The following SORCS2 variants were observed in gnomAD, a reference collection of about 807,000 sequenced individuals.
The protein encoded by SORCS2 is sortilin related VPS10 domain containing receptor 2.
SORCS2 carries 100 observed loss-of-function variants against 141.6 expected under a neutral mutation model. The ratio of observed to expected loss-of-function variants is 0.71; its 90% CI spans 0.60 to 0.83. SORCS2 has a LOEUF of 0.83. Ranked by LOEUF, SORCS2 falls within the 40% of genes least tolerant of loss-of-function variation. The probability of loss-of-function intolerance (pLI) is 0.00; values close to 1 mark genes in which losing one functional copy is unlikely to be tolerated. For synonymous variants in SORCS2, 789 were observed against 676.9 expected, an observed-to-expected ratio of 1.17 and a Z score of -2.57; for missense variants, 1,646 against 1,560.2, an observed-to-expected ratio of 1.05 and a Z score of -0.93.
chr4:7,499,732 C>A (rs575804802), intron 2 of SORCS2, among the ~76,000 whole-genome samples: 2 of 146,864 alleles, frequency 1.4e-5, no homozygotes, highest in African/African-American at 5.1e-5. Context: ...CTGCCTTCCT[C>A]GCTCCTCAAA....
At chr4:7,206,469 C>T (rs1044124458) in intron 1 of SORCS2, among the ~76,000 whole-genome samples, 1 of 152,182 alleles carries the variant, frequency 6.6e-6, no homozygotes, top group Non-Finnish European at 1.5e-5. Flanking sequence ...GATCTGGGCT[C>T]CCTGGCCCAC....
intron 4 of SORCS2, among the ~76,000 whole-genome samples, chr4:7,647,923 C>T (rs977995807): frequency 6.6e-6 from 1 of 152,220 alleles, no homozygotes; most frequent in African/African-American, 2.4e-5. Context: ...TGCTGCAGGA[C>T]CGGCTAATTG....
At chr4:7,696,467 T>C (rs968849000) in intron 11 of SORCS2, among the ~76,000 whole-genome samples, 1 of 152,222 alleles carries the variant, frequency 6.6e-6, no homozygotes, top group African/African-American at 2.4e-5. Context: ...TTGTTCTTTC[T>C]ACAGGAGACT....
At chr4:7,263,727 C>T (rs1389943055) in intron 1 of SORCS2, among the ~76,000 whole-genome samples, 2 of 152,316 alleles carry the variant, frequency 1.3e-5, no homozygotes, top group Admixed American at 6.5e-5. Context: ...CAGGCTCCTC[C>T]TCCATGCTGG....
intron 1 of SORCS2, among the ~76,000 whole-genome samples, chr4:7,223,929 T>C (rs1728859455): frequency 6.6e-6 from 1 of 152,214 alleles, no homozygotes; most frequent in South Asian, 2.1e-4. Flanking sequence ...TTCTCGTCTG[T>C]TCAGAGGGAT....
intron 1 of SORCS2, among the ~76,000 whole-genome samples, chr4:7,198,592 G>A (rs116988197): frequency 6.6e-6 from 1 of 152,320 alleles, no homozygotes; most frequent in East Asian, 1.9e-4. Context: ...TCCAGAGGAA[G>A]TGCATCTCTG....
intron 1 of SORCS2, among the ~76,000 whole-genome samples, chr4:7,205,212 C>A (rs1249141603): frequency 1.3e-5 from 2 of 152,152 alleles, no homozygotes; most frequent in African/African-American, 4.8e-5. Flanking sequence ...GGTTAGGCTC[C>A]TTGGGTGGAC....
intron 4 of SORCS2, among the ~76,000 whole-genome samples, chr4:7,647,067 C>G (rs905925083): frequency 1.3e-5 from 2 of 152,050 alleles, no homozygotes; most frequent in Non-Finnish European, 2.9e-5. Flanking sequence ...GACGCTGTCC[C>G]GAAAAACAGG....
chr4:7,706,325 TCTGGGCAGGGATGAGGCTGGGCTCC>T (rs1560498875), intron 14 of SORCS2, among the ~76,000 whole-genome samples: 5,779 of 30,454 alleles, frequency 0.19, 1,852 homozygotes, highest in East Asian at 0.42. Context: ...CTGGGCTCCG[TCTGGGCAGGGATGAGGCTGGGCTCC>T]GTCTGGGCAG....
intron 1 of SORCS2, among the ~76,000 whole-genome samples, chr4:7,240,305 T>C (rs1246848372): frequency 6.6e-6 from 1 of 152,206 alleles, no homozygotes; most frequent in Non-Finnish European, 1.5e-5. Flanking sequence ...CCTGCTGAGC[T>C]TTGTTCTTAT....
At chr4:7,540,912 C>T (rs1316874457) in intron 3 of SORCS2, among the ~76,000 whole-genome samples, 1 of 152,204 alleles carries the variant, frequency 6.6e-6, no homozygotes, top group Non-Finnish European at 1.5e-5. Context: ...GTAAAGTGGC[C>T]AAGGGAACCG....
At chr4:7,247,379 A>C (rs1275155698) in intron 1 of SORCS2, among the ~76,000 whole-genome samples, 3 of 152,114 alleles carry the variant, frequency 2.0e-5, no homozygotes, top group African/African-American at 7.2e-5. Context: ...TTTCAGTGGA[A>C]TACTTAGAAG....
intron 3 of SORCS2, among the ~76,000 whole-genome samples, chr4:7,592,974 C>T (rs916475936): frequency 2.0e-5 from 3 of 152,142 alleles, no homozygotes; most frequent in African/African-American, 7.2e-5. Context: ...TGTGTGACAA[C>T]GTATCCCAAA....
intron 2 of SORCS2, among the ~76,000 whole-genome samples, chr4:7,496,051 G>C (rs1356109441): frequency 6.6e-6 from 1 of 152,252 alleles, no homozygotes; most frequent in Admixed American, 6.5e-5. Context: ...CTAGCTGTCA[G>C]TTCCAAAGCG....
chr4:7,472,892 A>C (rs71601843), intron 2 of SORCS2, among the ~76,000 whole-genome samples: 19,533 of 151,180 alleles, frequency 0.13, 1,693 homozygotes, highest in East Asian at 0.3. Flanking sequence ...TCACAGCCTG[A>C]GTGGATGGGG....
At position 7,233,105 on chromosome 4, in the gene SORCS2, C is replaced by T. The variant is rs997417170; in HGVS notation, c.480+39979C>T. Reference sequence around the variant, plus strand: ...CACCCGCATGTTCAACTACTGCCTTCCTGATGGAGGAGGCTGGGCTGGGCA... The same window carrying T: ...CACCCGCATGTTCAACTACTGCCTTTCTGATGGAGGAGGCTGGGCTGGGCA... On this transcript the variant is annotated intron_variant, in intron 1 of 26. Transcript: ENST00000507866. This position sits in a 1 kb window ranked among gnomAD's most constrained non-coding sequence, Gnocchi z 4.5. Among the ~76,000 whole-genome samples, 1 of 152,154 alleles carries T rather than the reference C, an allele frequency of 6.6e-6. No individual in the cohort carries two copies. Among genetic ancestry groups the T allele is most frequent in the South Asian group, 2.1e-4 (1 of 4,820 alleles).
In SORCS2 at chr4:7,740,793, G is replaced by T; in HGVS notation, c.*529G>T. On this transcript the variant is annotated 3_prime_UTR_variant, in exon 27 of 27. Coordinates refer to ENST00000507866, the MANE Select transcript of SORCS2 (RefSeq NM_020777.3). ...ACCACACCACCCTCCAGGCCCCCCTGCCCTCCGGCTGGAAACTGCAGCTCT... is the reference window on the plus strand; with the variant it reads ...ACCACACCACCCTCCAGGCCCCCCTTCCCTCCGGCTGGAAACTGCAGCTCT... 2 of 360,444 alleles carry T rather than the reference G, an allele frequency of 5.5e-6. No individual in the cohort carries two copies. Among genetic ancestry groups the T allele is most frequent in the Non-Finnish European group, 9.9e-6 (2 of 202,306 alleles). The allele number at this position is 360,444 out of a possible 1,614,324, so 22.3% of individuals were successfully genotyped here. A position where few individuals can be genotyped will look rare whatever the true frequency, so the allele number is the denominator to read the frequency against.
intron 2 of SORCS2, among the ~76,000 whole-genome samples, chr4:7,402,020 C>T (rs553126041): frequency 3.3e-5 from 5 of 152,320 alleles, no homozygotes; most frequent in East Asian, 1.9e-4. Context: ...TTGCCTTCTT[C>T]CCGGCCTCCC....
rs145116427 is a variant in SORCS2, at chr4:7,201,593, C to T, written c.480+8467C>T. 5.9e-5 allele frequency among the ~76,000 whole-genome samples: 9 copies of T among 152,312 alleles called. No individual in the cohort carries two copies. In the East Asian group the frequency reaches 1.7e-3, roughly 29 times the overall value. ...CAGACTGGAGTGACGGGCGAATCAGCTGGGACGCTGCCGAGAACCCCTGTG... is the reference window on the plus strand; with the variant it reads ...CAGACTGGAGTGACGGGCGAATCAGTTGGGACGCTGCCGAGAACCCCTGTG... On this transcript the variant is annotated intron_variant, in intron 1 of 26. Transcript: ENST00000507866. The surrounding 1 kb of genome is among the most constrained non-coding windows in gnomAD (Gnocchi z 4.4).
Sources: gnomAD v4.1 joint callset for allele counts (sites outside exome capture counted in the v4.1 genomes callset) on GRCh38, gnomAD v4.1.1 for gene constraint, Gnocchi (gnomAD v3.1) non-coding constraint, MANE v1.5 for transcripts, NCBI Gene and HGNC (gene_info 2026-07-23, HGNC 2026-07-21) for gene names.